Variants in PDE4D observed in about 807,000 individuals in gnomAD.
PDE4D encodes phosphodiesterase 4D, also known as 3',5'-cyclic-AMP phosphodiesterase 4D.
In PDE4D, 24 loss-of-function variants were observed where a neutral mutation model predicts 87.4. The ratio of observed to expected loss-of-function variants is 0.27; its 90% CI spans 0.20 to 0.39. The LOEUF (loss-of-function observed/expected upper bound fraction) is 0.39, where lower values mean the gene tolerates loss of function less well. PDE4D is among the 10% of genes least tolerant of loss of function. The pLI is 1.00. For synonymous variants in PDE4D, 384 were observed against 383.2 expected, an observed-to-expected ratio of 1.00 and a Z score of -0.02; for missense variants, 714 against 1,041.0, an observed-to-expected ratio of 0.69 and a Z score of 4.32.
intron 1 of PDE4D, among the ~76,000 whole-genome samples, chr5:60,365,730 T>TA (rs1760469220): frequency 1.3e-5 from 2 of 152,130 alleles, no homozygotes; most frequent in African/African-American, 2.4e-5. Flanking sequence ...CAGACTTACA[T>TA]AGTTCAGGCC....
Position 59,131,597 on chromosome 5 carries a change from AACACACACACACACACACACACAC to A in PDE4D, c.808+48974_808+48997del, listed in dbSNP as rs34161581. 1.4e-4 allele frequency among the ~76,000 whole-genome samples: 17 copies of A among 118,190 alleles called. No individual in the cohort carries two copies. The East Asian group carries it at 1.9e-3, about 13-fold the overall frequency. 77.5% of individuals were successfully genotyped at this position (118,190 alleles called of 152,430 possible). A position where few individuals can be genotyped will look rare whatever the true frequency, so the allele number is the denominator to read the frequency against. The stretch of plus-strand genomic sequence containing the variant: ...TAAAGAAATAATAAGGCCAATTTAA[AACACACACACACACACACACACAC>A]ACACACACACACACACACACACACA... On this transcript the variant is annotated intron_variant, in intron 5 of 14. Coordinates refer to ENST00000340635, the MANE Select transcript of PDE4D (RefSeq NM_001104631.2).
At chr5:59,753,145 A>T (rs1760729062) in intron 1 of PDE4D, among the ~76,000 whole-genome samples, 1 of 152,210 alleles carries the variant, frequency 6.6e-6, no homozygotes, top group Admixed American at 6.5e-5. Flanking sequence ...CAATCAAAGC[A>T]GAACTGTAGG....
chr5:59,438,032 A>C (rs2153634743), intron 1 of PDE4D, among the ~76,000 whole-genome samples: 1 of 152,224 alleles, frequency 6.6e-6, no homozygotes, highest in South Asian at 2.1e-4. Context: ...CTCATGAGAA[A>C]CTCACTATCA....
chr5:59,979,556 C>T (rs1330048717), intron 3 of PDE4D, among the ~76,000 whole-genome samples: 3 of 151,864 alleles, frequency 2.0e-5, no homozygotes, highest in Non-Finnish European at 4.4e-5. Context: ...CTCACTTTAA[C>T]GAAGCTCAGA....
intron 3 of PDE4D, among the ~76,000 whole-genome samples, chr5:59,917,620 A>T (rs1434303597): frequency 1.3e-5 from 2 of 152,186 alleles, no homozygotes; most frequent in African/African-American, 2.4e-5. Context: ...TACTCTTCTA[A>T]CATAGCCCTG....
chr5:59,562,587 T>C (rs1372306134), intron 1 of PDE4D, among the ~76,000 whole-genome samples: 1 of 152,214 alleles, frequency 6.6e-6, no homozygotes, highest in Non-Finnish European at 1.5e-5. Context: ...AGAATAATGC[T>C]AGTTTCAAAA....
intron 2 of PDE4D, among the ~76,000 whole-genome samples, chr5:60,001,660 G>C (rs1424076806): frequency 6.6e-6 from 1 of 151,790 alleles, no homozygotes; most frequent in South Asian, 2.1e-4. Context: ...AAAGTTAAAA[G>C]GTAAAATAAT....
chr5:60,065,190 C>T (rs956949373), intron 2 of PDE4D, among the ~76,000 whole-genome samples: 2 of 151,890 alleles, frequency 1.3e-5, no homozygotes, highest in South Asian at 2.1e-4. Flanking sequence ...ATTAAGAAAT[C>T]GGATATGCAA....
At chr5:60,020,243 T>C (rs1765911511) in intron 2 of PDE4D, among the ~76,000 whole-genome samples, 1 of 152,276 alleles carries the variant, frequency 6.6e-6, no homozygotes, top group Middle Eastern at 3.4e-3. Context: ...ACAATTATGA[T>C]AGTAACAACA....
chr5:60,489,638 T>C (rs1460054435), upstream of PDE4D: 1 of 152,220 alleles, frequency 6.6e-6, no homozygotes, highest in Non-Finnish European at 1.5e-5. Flanking sequence ...TTTTATTTAA[T>C]TAAACCTTTG....
intron 1 of PDE4D, among the ~76,000 whole-genome samples, chr5:59,649,945 A>G (rs1013498013): frequency 8.5e-5 from 3 of 35,200 alleles, no homozygotes; most frequent in African/African-American, 2.4e-4. Context: ...CAATGACCCA[A>G]TGTCACTGTA....
intron 1 of PDE4D, among the ~76,000 whole-genome samples, chr5:59,740,489 A>C (rs1758681237): frequency 6.6e-6 from 1 of 152,176 alleles, no homozygotes; most frequent in Non-Finnish European, 1.5e-5. Context: ...TATACCTTGT[A>C]AATAGGGGCA....
chr5:59,180,055 A>G (rs1034025960), intron 5 of PDE4D, among the ~76,000 whole-genome samples: 3 of 151,990 alleles, frequency 2.0e-5, no homozygotes, highest in Admixed American at 6.6e-5. Flanking sequence ...CAACGTTTTG[A>G]TCTCATTGAA....
chr5:59,361,234 T>C (rs1782176449), intron 1 of PDE4D, among the ~76,000 whole-genome samples: 1 of 152,176 alleles, frequency 6.6e-6, no homozygotes, highest in African/African-American at 2.4e-5. Flanking sequence ...TTTATGTTTA[T>C]TGAATATCTA....
chr5:60,078,649 G>A (rs1435530114), intron 2 of PDE4D, among the ~76,000 whole-genome samples: 2 of 152,122 alleles, frequency 1.3e-5, no homozygotes, highest in African/African-American at 4.8e-5. Flanking sequence ...TCAGTTTTCT[G>A]TTCCAGTGTT....
chr5:59,535,065 G>A (rs1349853044), intron 1 of PDE4D, among the ~76,000 whole-genome samples: 6 of 82,618 alleles, frequency 7.3e-5, no homozygotes, highest in Non-Finnish European at 1.3e-4. Flanking sequence ...AGATTGGTGT[G>A]TGTGTGTGTG....
intron 1 of PDE4D, among the ~76,000 whole-genome samples, chr5:59,550,092 T>C (rs1243042953): frequency 6.6e-6 from 1 of 152,032 alleles, no homozygotes; most frequent in Non-Finnish European, 1.5e-5. Context: ...GATGTCCGTC[T>C]ACATGTTTTC....
intron 1 of PDE4D, among the ~76,000 whole-genome samples, chr5:59,285,937 G>T (rs992972693): frequency 6.6e-6 from 1 of 152,158 alleles, no homozygotes; most frequent in Non-Finnish European, 1.5e-5. Flanking sequence ...ACTAAGTGTT[G>T]TCCAATCTGC....
rs117902792 is a variant in PDE4D, at chr5:60,365,399, T to C, written c.-90+122543A>G. Among the ~76,000 whole-genome samples the C allele has an allele frequency of 9.8e-5, 15 of 152,298 alleles. No homozygotes were observed. The East Asian group carries it at 2.7e-3, about 27-fold the overall frequency. ...TTTCTGCAAGACAAGAATCCCAAGA[T>C]TGACAGTGGCCACTCCCTATAAATA... is the stretch of plus-strand genomic sequence containing the variant. On this transcript the variant is annotated intron_variant, in intron 1 of 16. Transcript: ENST00000502484.
Sources: allele counts gnomAD v4.1 joint callset (sites outside exome capture counted in the v4.1 genomes callset), GRCh38; gene constraint gnomAD v4.1.1; transcripts MANE v1.5; gene names NCBI Gene and HGNC (gene_info 2026-07-23, HGNC 2026-07-21).